GDPD5: variants seen among roughly 807,000 people sequenced by gnomAD.
GDPD5 encodes the protein glycerophosphodiester phosphodiesterase domain containing 5.
A neutral mutation model predicts 75.1 loss-of-function variants in GDPD5; 48 were observed. The observed-to-expected ratio is 0.64, with a 90% confidence interval of 0.51 to 0.81. The LOEUF (loss-of-function observed/expected upper bound fraction) is 0.81, where lower values mean the gene tolerates loss of function less well. Among genes scored for constraint, GDPD5 ranks in the 40% least tolerant of loss-of-function variants. GDPD5 has a pLI of 0.00. For synonymous variants in GDPD5, 336 were observed against 339.0 expected (o/e 0.99, Z 0.10); for missense variants, 706 against 822.6 (o/e 0.86, Z 1.73).
Position 75,435,511 on chromosome 11 carries a change from C to T in GDPD5, c.1814G>A (p.Arg605His), listed in dbSNP as rs551593132. Residue 605 changes from arginine to histidine, a missense_variant, in exon 17 of 17, where the codon CGT becomes CAT. Arg to His is a conservative substitution (Grantham distance 29). Transcript: ENST00000336898. Reference protein sequence around the residue: ...HTKTLIERSGR With the variant: ...HTKTLIERSGH ...GTGGGACAGACATGTCTTCAGCTAA[C>T]GCCCACTCCGCTCTATGAGGGTCTT... 245 of 1,602,646 alleles carry T rather than the reference C, an allele frequency of 1.5e-4. 2 individuals are homozygous for T. In the South Asian group the frequency reaches 2.0e-3, roughly 13 times the overall value.
At chr11:75,483,481 G>T (rs1437412429) in intron 2 of GDPD5, among the ~76,000 whole-genome samples, 1 of 152,076 alleles carries the variant, frequency 6.6e-6, no homozygotes, top group Non-Finnish European at 1.5e-5. Context: ...TAACTGCCAG[G>T]CCCACGCTGT....
chr11:75,470,189 G>A (rs1949628301), intron 3 of GDPD5, among the ~76,000 whole-genome samples: 1 of 152,216 alleles, frequency 6.6e-6, no homozygotes. Flanking sequence ...GCCAGACAGA[G>A]AAAAGGAGCA....
intron 7 of GDPD5, 99 bp from the exon 8 acceptor site, chr11:75,449,709 G>A (rs960791526): frequency 7.4e-7 from 1 of 1,345,286 alleles, no homozygotes; most frequent in South Asian, 1.3e-5. Flanking sequence ...AGGCAACCCT[G>A]TCTCCATCTG....
intron 6 of GDPD5, among the ~76,000 whole-genome samples, chr11:75,453,432 C>A (rs1468218325): frequency 6.6e-6 from 1 of 152,132 alleles, no homozygotes; most frequent in African/African-American, 2.4e-5. Context: ...CCCTAGCTAA[C>A]ACGGTGAAAC....
chr11:75,469,169 G>C (rs1949599266), intron 3 of GDPD5, among the ~76,000 whole-genome samples: 2 of 152,190 alleles, frequency 1.3e-5, no homozygotes, highest in Admixed American at 1.3e-4. Context: ...AGATGCAGAG[G>C]CCAGGCCTGG....
chr11:75,437,075 G>T (rs1948646255), intron 15 of GDPD5, 27 bp from the exon 16 acceptor site: 1 of 1,563,030 alleles, frequency 6.4e-7, no homozygotes, highest in Non-Finnish European at 8.8e-7. Flanking sequence ...GTGGGCATCA[G>T]GTCTCTCCTC....
At chr11:75,454,879 CA>C (rs1203390269) in intron 6 of GDPD5, among the ~76,000 whole-genome samples, 1 of 151,946 alleles carries the variant, frequency 6.6e-6, no homozygotes, top group African/African-American at 2.4e-5. Flanking sequence ...TTAAAGCAAA[CA>C]AAAAAGAATA....
chr11:75,500,194 C>G (rs1950281796), intron 1 of GDPD5, among the ~76,000 whole-genome samples: 1 of 152,162 alleles, frequency 6.6e-6, no homozygotes, highest in South Asian at 2.1e-4. Flanking sequence ...GGCCTCTCCT[C>G]TCTCCTCTTC....
intron 5 of GDPD5, 36 bp downstream of exon 5, chr11:75,457,657 G>T: frequency 1.9e-6 from 3 of 1,587,192 alleles, no homozygotes; most frequent in Non-Finnish European, 1.7e-6. Flanking sequence ...TCCCCTGGGA[G>T]CAGGGCCACC....
chr11:75,445,920 G>C (rs1948974928), intron 9 of GDPD5, among the ~76,000 whole-genome samples: 1 of 152,262 alleles, frequency 6.6e-6, no homozygotes, highest in African/African-American at 2.4e-5. Context: ...GCACACAGCA[G>C]GGTCTCAGTA....
At chr11:75,518,380 T>G (rs899272302) in intron 1 of GDPD5, among the ~76,000 whole-genome samples, 11 of 152,160 alleles carry the variant, frequency 7.2e-5, no homozygotes, top group African/African-American at 2.4e-4. Flanking sequence ...CCTGGGGATG[T>G]GCAAGTATTG....
chr11:75,467,822 C>T (rs1949554402), intron 3 of GDPD5, among the ~76,000 whole-genome samples: 1 of 152,116 alleles, frequency 6.6e-6, no homozygotes, highest in Non-Finnish European at 1.5e-5. Context: ...AACAGGAGCC[C>T]CTCCGTAGCA....
At chr11:75,522,437 TCCTCAAGGGCCTCC>T (rs1447050093) in intron 1 of GDPD5, among the ~76,000 whole-genome samples, 1 of 152,034 alleles carries the variant, frequency 6.6e-6, no homozygotes, top group Non-Finnish European at 1.5e-5. Context: ...GTTACTCCAG[TCCTCAAGGGCCTCC>T]CCTCCACCCC....
intron 8 of GDPD5, 29 bp downstream of exon 8, chr11:75,449,488 A>C (rs1565187418): frequency 6.5e-7 from 1 of 1,536,444 alleles, no homozygotes; most frequent in Non-Finnish European, 8.8e-7. Flanking sequence ...CAGGGATTGG[A>C]GGGGCAGGCC....
chr11:75,447,760 A>C (rs1284103728), intron 9 of GDPD5, among the ~76,000 whole-genome samples: 1 of 152,132 alleles, frequency 6.6e-6, no homozygotes, highest in Non-Finnish European at 1.5e-5. Flanking sequence ...GCCCCTCAGA[A>C]GAGTTCCCCT....
intron 1 of GDPD5, among the ~76,000 whole-genome samples, chr11:75,517,814 A>G (rs1339763062): frequency 6.6e-6 from 1 of 152,070 alleles, no homozygotes; most frequent in South Asian, 2.1e-4. Flanking sequence ...GATTAAAAAA[A>G]AAAATCCTCT....
At chr11:75,440,139 G>C (rs1391526799) in intron 14 of GDPD5, among the ~76,000 whole-genome samples, 178 bp from the exon 15 acceptor site, 1 of 152,150 alleles carries the variant, frequency 6.6e-6, no homozygotes, top group South Asian at 2.1e-4. Context: ...CAGGCGCTGT[G>C]GGCCTGGGGG....
intron 3 of GDPD5, among the ~76,000 whole-genome samples, chr11:75,465,046 C>T (rs1423686539): frequency 6.6e-6 from 1 of 152,220 alleles, no homozygotes; most frequent in Non-Finnish European, 1.5e-5. Flanking sequence ...TCATTCCCTG[C>T]AGAGTGCAGC....
rs1323095256 is a variant in GDPD5 at position 75,511,376 on chromosome 11, G to C, written c.-145+13834C>G. Among the ~76,000 whole-genome samples, 4 of 152,178 alleles carry C rather than the reference G, an allele frequency of 2.6e-5. No individual in the cohort carries two copies. The South Asian group carries it at 6.2e-4, about 24-fold the overall frequency. On this transcript the variant is annotated intron_variant, in intron 1 of 16. Coordinates refer to ENST00000336898, the MANE Select transcript of GDPD5 (RefSeq NM_030792.8). ...GTCCAGACCCTGCTCTTTGACCAAG[G>C]AGTTGCATGTTCAAATAAGCTTAGG...
Sources: gnomAD v4.1 joint callset for allele counts (sites outside exome capture counted in the v4.1 genomes callset) on GRCh38, gnomAD v4.1.1 for gene constraint, MANE v1.5 for transcripts, NCBI Gene and HGNC (gene_info 2026-07-23, HGNC 2026-07-21) for gene names.